NPIPB11: variants seen among roughly 807,000 people sequenced by gnomAD.
The protein encoded by NPIPB11 is nuclear pore complex interacting protein family member B11, also known as nuclear pore complex-interacting protein family member B11.
In NPIPB11, 17 loss-of-function variants were observed where a neutral mutation model predicts 32.8. The observed-to-expected ratio is 0.52, with a 90% confidence interval of 0.35 to 0.78. NPIPB11 has a LOEUF of 0.78. Among genes scored for constraint, NPIPB11 ranks in the 30% least tolerant of loss-of-function variants. The probability of loss-of-function intolerance (pLI) is 0.01; values close to 1 mark genes in which losing one functional copy is unlikely to be tolerated. For synonymous variants in NPIPB11, 209 were observed against 398.4 expected, an observed-to-expected ratio of 0.52 and a Z score of 5.66; for missense variants, 537 against 1,000.4, an observed-to-expected ratio of 0.54 and a Z score of 6.25.
chr16:29,403,832 A>C, exon 2 of NPIPB11: 1 of 1,550,352 alleles, frequency 6.5e-7, no homozygotes, highest in Non-Finnish European at 8.7e-7. Flanking sequence ...GCTCATGATG[A>C]GTGCCAACCT....
chr16:29,402,456 G>A (rs1348181027), intron 2 of NPIPB11, among the ~76,000 whole-genome samples: 1 of 109,112 alleles, frequency 9.2e-6, no homozygotes, highest in Non-Finnish European at 1.8e-5. Context: ...TATAGTCCCA[G>A]CACTTTGGGA....
At chr16:29,396,857 G>C (rs1031564949) in intron 2 of NPIPB11, among the ~76,000 whole-genome samples, 1 of 150,406 alleles carries the variant, frequency 6.6e-6, no homozygotes, top group African/African-American at 2.4e-5. Flanking sequence ...TTACACTTAA[G>C]GTTATATATT....
chr16:29,401,992 C>A (rs1193793904), intron 2 of NPIPB11, among the ~76,000 whole-genome samples: 1 of 151,454 alleles, frequency 6.6e-6, no homozygotes, highest in Non-Finnish European at 1.5e-5. Flanking sequence ...CTCTGTGATG[C>A]AGACTAGCCT....
At chr16:29,400,095 C>T in intron 2 of NPIPB11, among the ~76,000 whole-genome samples, 1 of 151,566 alleles carries the variant, frequency 6.6e-6, no homozygotes, top group Non-Finnish European at 1.5e-5. Context: ...AAAAAAGAAG[C>T]CCTCGGATTT....
rs1419209834 is a variant in NPIPB11 at position 29,394,088 on chromosome 16, A to G, written c.121-12T>C. Reference sequence around the variant, plus strand: ...AGAGTATTGATAACCTGGAATAATAATAGTTGAAATAATGAAAAGGTCAAT... The same window carrying G: ...AGAGTATTGATAACCTGGAATAATAGTAGTTGAAATAATGAAAAGGTCAAT... On this transcript the variant is annotated splice_polypyrimidine_tract_variant and intron_variant, in intron 2 of 7. Transcript: ENST00000524087. 4.4e-6 allele frequency: 7 copies of G among 1,594,072 alleles called. No individual in the cohort carries two copies. Among genetic ancestry groups the G allele is most frequent in the Non-Finnish European group, 5.9e-6 (7 of 1,178,066 alleles).
chr16:29,397,266 G>C (rs1473439936), intron 2 of NPIPB11, among the ~76,000 whole-genome samples: 2 of 151,810 alleles, frequency 1.3e-5, no homozygotes, highest in Non-Finnish European at 2.9e-5. Flanking sequence ...GAGTGCAGCG[G>C]GGCCATCTCG....
At chr16:29,403,116 C>T (rs1197532431) in intron 2 of NPIPB11, among the ~76,000 whole-genome samples, 2 of 140,422 alleles carry the variant, frequency 1.4e-5, no homozygotes, top group African/African-American at 5.4e-5. Flanking sequence ...CTCGCTCTGT[C>T]GCACAGTCTG....
At chr16:29,397,549 G>C (rs1380331174) in intron 2 of NPIPB11, 2 of 1,525,600 alleles carry the variant, frequency 1.3e-6, no homozygotes, top group Non-Finnish European at 1.8e-6. Context: ...GAAACCCCGA[G>C]GGTCCAGCGT....
intron 2 of NPIPB11, among the ~76,000 whole-genome samples, chr16:29,394,681 C>G (rs550609727): frequency 2.0e-5 from 3 of 152,124 alleles, no homozygotes; most frequent in Non-Finnish European, 4.4e-5. Flanking sequence ...ATCTGCCTGC[C>G]TCAGCCTCCC....
At position 29,382,289 on chromosome 16, in the gene NPIPB11, G is replaced by A. The variant is rs532628459; in HGVS notation, c.2643C>T (p.Cys881=). The A allele has an allele frequency of 6.7e-4, 1,077 of 1,596,080 alleles. 24 individuals carry two copies. The South Asian group carries it at 0.011, about 17-fold the overall frequency. The change falls in exon 8 of 8, where the codon TGC becomes TGT. Residue 881 remains cysteine (C), a synonymous_variant. Transcript: ENST00000524087. ...GAAGCGGAACCCACAGACGCTCCCC[G>A]CAGACGCTCGGCAGGTGTCTTGATA...
chr16:29,390,505 T>G (rs1963691088), intron 3 of NPIPB11, among the ~76,000 whole-genome samples, 157 bp from the exon 4 acceptor site: 1 of 151,182 alleles, frequency 6.6e-6, no homozygotes, highest in Non-Finnish European at 1.5e-5. Flanking sequence ...ATACAAAAAT[T>G]AGCCGGGCAT....
intron 2 of NPIPB11, among the ~76,000 whole-genome samples, chr16:29,398,889 G>A (rs1403598600): frequency 6.6e-5 from 10 of 151,920 alleles, no homozygotes; most frequent in Non-Finnish European, 1.3e-4. Context: ...GAAACCGAGT[G>A]ATGATGTCCT....
chr16:29,382,030 G>T, exon 8 of NPIPB11: 1 of 556,352 alleles, frequency 1.8e-6, no homozygotes, highest in Non-Finnish European at 2.9e-6. Flanking sequence ...CCCCGCAGAC[G>T]CTCGGCAGGT....
At chr16:29,397,287 A>C (rs1663183307) in intron 2 of NPIPB11, among the ~76,000 whole-genome samples, 1 of 151,824 alleles carries the variant, frequency 6.6e-6, no homozygotes, top group African/African-American at 2.4e-5. Context: ...GCTCACTGCA[A>C]CGTCCAGCTC....
At chr16:29,394,912 A>G (rs1176287073) in intron 2 of NPIPB11, among the ~76,000 whole-genome samples, 1 of 146,286 alleles carries the variant, frequency 6.8e-6, no homozygotes, top group Non-Finnish European at 1.5e-5. Flanking sequence ...CACTCAGCAA[A>G]TTTTTGTATT....
upstream of NPIPB11, among the ~76,000 whole-genome samples, chr16:29,405,684 G>A (rs1964098758): frequency 6.6e-6 from 1 of 152,088 alleles, no homozygotes; most frequent in South Asian, 2.1e-4. Flanking sequence ...GTGTTCTCCA[G>A]CCCATGGAGA....
chr16:29,394,615 A>C (rs938986103), intron 2 of NPIPB11, among the ~76,000 whole-genome samples: 4 of 150,700 alleles, frequency 2.7e-5, no homozygotes, highest in Non-Finnish European at 5.9e-5. Flanking sequence ...TTGTATTTTT[A>C]GTAGAGATGA....
chr16:29,383,106 G>A lies in NPIPB11; in HGVS notation c.1826C>T (p.Pro609Leu), dbSNP rs546295206. Residue 609 changes from proline (P) to leucine (L), a missense_variant, in exon 8 of 8, where the codon CCC becomes CTC. Coordinates refer to ENST00000524087, the Ensembl canonical transcript of NPIPB11. ...CTGAGGGTGGAGCTGAGGGTGGAAG[G>A]GGAGTGAGCTGACGCTCGGAAGGTC... The A allele has an allele frequency of 2.5e-6, 4 of 1,595,160 alleles. No homozygotes were observed. In the East Asian group the frequency reaches 6.9e-5, roughly 27 times the overall value.
At chr16:29,397,680 C>T (rs1963892829) in intron 2 of NPIPB11, 1 of 1,065,168 alleles carries the variant, frequency 9.4e-7, no homozygotes, top group East Asian at 3.5e-5. Context: ...GCGTCCAGGA[C>T]AGAGGTGGAG....
Sources: allele counts gnomAD v4.1 joint callset (sites outside exome capture counted in the v4.1 genomes callset), GRCh38; gene constraint gnomAD v4.1.1; transcripts MANE v1.5; gene names NCBI Gene and HGNC (gene_info 2026-07-23, HGNC 2026-07-21).